ELL2: variants seen among roughly 807,000 people sequenced by gnomAD.
ELL2 encodes the protein RNA polymerase II elongation factor ELL2.
Under a neutral mutation model 72.8 loss-of-function variants are expected in ELL2, and 21 were observed. The observed-to-expected ratio is 0.29, with a 90% CI of 0.20 to 0.42. The LOEUF (loss-of-function observed/expected upper bound fraction) is 0.42, where lower values mean the gene tolerates loss of function less well. Among genes scored for constraint, ELL2 ranks in the 10% least tolerant of loss-of-function variants. The probability of loss-of-function intolerance (pLI) is 1.00; values close to 1 mark genes in which losing one functional copy is unlikely to be tolerated. For missense variants in ELL2, 568 were observed against 772.8 expected (o/e 0.73, Z 3.14); for synonymous variants, 266 against 283.2 (o/e 0.94, Z 0.61).
chr5:95,907,296 A>ATATTTTTTTTTTTTTTT, intron 4 of ELL2, among the ~76,000 whole-genome samples: 209 of 116,414 alleles, frequency 1.8e-3, no homozygotes, highest in African/African-American at 6.7e-3. Flanking sequence ...ATATATATAT[A>ATATTTTTTTTTTTTTTT]TTTTTTTTTT....
Position 95,919,439 on chromosome 5 carries a change from T to C in ELL2, c.302A>G (p.Gln101Arg). The change falls in exon 3 of 12, where the codon CAG becomes CGG. Residue 101 changes from glutamine to arginine, a missense_variant. Around this residue, in one of 2 missense-constraint regions of ELL2, gnomAD observed 511 missense variants for 728.4 expected, o/e 0.70. Coordinates refer to ENST00000237853, the MANE Select transcript of ELL2 (RefSeq NM_012081.6). ...AAGTACTTACCTGGAGAATGTTTGC[T>C]GGATGCAGTCAAAGCTGCCCTGAGG... ...DNPQGSFDCI[Q>R]QTFSSSGASQ... The C allele has an allele frequency of 6.3e-7, 1 of 1,584,830 alleles. No homozygotes were observed.
chr5:95,901,079 AC>A lies in ELL2; in HGVS notation c.742del (p.Val248Ter). On this transcript the variant is annotated frameshift_variant and splice_region_variant, in exon 6 of 12. Coordinates refer to ENST00000237853, the MANE Select transcript of ELL2 (RefSeq NM_012081.6). LOFTEE classifies it high-confidence loss of function. ...GAGGTCCTTAGAATTCAGATTGGCT[AC>A]CTAGTATGAGGTATAAAAACAGAGC... ...KNSLGAILQQ[V>X]ANLNSKDLSY... The A allele has an allele frequency of 1.3e-6, 2 of 1,599,354 alleles. No individual in the cohort carries two copies. Among genetic ancestry groups the A allele is most frequent in the Non-Finnish European group, 1.7e-6 (2 of 1,176,204 alleles).
chr5:95,908,094 G>T (rs1174734027), intron 4 of ELL2, among the ~76,000 whole-genome samples: 1 of 152,136 alleles, frequency 6.6e-6, no homozygotes, highest in African/African-American at 2.4e-5. Context: ...CACAACAAAG[G>T]AACTCAACAT....
Position 95,888,958 on chromosome 5 carries a change from G to A in ELL2, c.1836C>T (p.Tyr612=). Residue 612 remains tyrosine (Y), a synonymous_variant, in exon 12 of 12, where the codon TAC becomes TAT. Transcript: ENST00000237853. The part of the protein sequence containing the change: ...QSSPNYHEEK[Y]RCEYLHNKLA... ...GCTTGTTATGAAGATATTCACATCT[G>A]TATTTTTCTTCATGGTAATTGGGAC... 1 of 1,562,462 alleles carries A rather than the reference G, an allele frequency of 6.4e-7. No individual in the cohort carries two copies. The highest frequency in any genetic ancestry group is 8.7e-7 in the Non-Finnish European group (1 of 1,150,016).
At chr5:95,914,079 T>TTTAC in intron 3 of ELL2, 145 bp from the exon 4 acceptor site, 1 of 649,542 alleles carries the variant, frequency 1.5e-6, no homozygotes. Flanking sequence ...ATGTAAATGC[T>TTTAC]ATTTAAAATA....
At chr5:95,890,687 G>T (rs770865162) in intron 10 of ELL2, among the ~76,000 whole-genome samples, 2 of 152,110 alleles carry the variant, frequency 1.3e-5, no homozygotes, top group African/African-American at 2.4e-5. Flanking sequence ...TCCTATGTTT[G>T]TATCTTCCCT....
At chr5:95,936,569 G>A (rs1750780984) in intron 2 of ELL2, among the ~76,000 whole-genome samples, 1 of 152,124 alleles carries the variant, frequency 6.6e-6, no homozygotes, top group Non-Finnish European at 1.5e-5. Flanking sequence ...GATCGCTTGA[G>A]TCCGGGAGTT....
At chr5:95,933,118 C>CA (rs1223503695) in intron 2 of ELL2, among the ~76,000 whole-genome samples, 2 of 152,176 alleles carry the variant, frequency 1.3e-5, no homozygotes, top group Admixed American at 1.3e-4. Flanking sequence ...ATTCAAAAAA[C>CA]ATGTATCCAA....
chr5:95,901,482 G>A (rs1476619993), intron 5 of ELL2, among the ~76,000 whole-genome samples: 3 of 152,094 alleles, frequency 2.0e-5, no homozygotes, highest in East Asian at 1.9e-4. Flanking sequence ...CGATGGTAAC[G>A]AACCCTATAT....
Position 95,898,580 on chromosome 5 carries a change from G to A in ELL2, c.1185C>T (p.Asn395=). 1 of 1,614,008 alleles carries A rather than the reference G, an allele frequency of 6.2e-7. No individual in the cohort carries two copies. Among genetic ancestry groups the A allele is most frequent in the East Asian group, 2.2e-5 (1 of 44,874 alleles). The change falls in exon 8 of 12, where the codon AAC becomes AAT. Residue 395 remains asparagine (N), a synonymous_variant. Coordinates refer to ENST00000237853, the MANE Select transcript of ELL2 (RefSeq NM_012081.6). Reference sequence around the variant, plus strand: ...CTTCTGGAGTGCTAGGGGAGTTGGAGTTAGAATTTACAATCTGAGGAGGAT... The same window carrying A: ...CTTCTGGAGTGCTAGGGGAGTTGGAATTAGAATTTACAATCTGAGGAGGAT... ...ISHPPQIVNS[N]SNSPSTPEGR...
At chr5:95,922,520 C>T (rs1034007995) in intron 2 of ELL2, among the ~76,000 whole-genome samples, 3 of 152,180 alleles carry the variant, frequency 2.0e-5, no homozygotes, top group African/African-American at 4.8e-5. Context: ...GTCCACTAAA[C>T]AGAGTGTTAC....
In ELL2 at chr5:95,888,736, A is replaced by T; in HGVS notation, c.*135T>A. On this transcript the variant is annotated 3_prime_UTR_variant, in exon 12 of 12. Coordinates refer to ENST00000237853, the MANE Select transcript of ELL2 (RefSeq NM_012081.6). ...GGGAAGCAAAGTAAAATGGAAAAGAAAAAGTAACTCAAGTTTACTAATACT... is the reference window on the plus strand; with the variant it reads ...GGGAAGCAAAGTAAAATGGAAAAGATAAAGTAACTCAAGTTTACTAATACT... 1 of 598,522 alleles carries T rather than the reference A, an allele frequency of 1.7e-6. No individual in the cohort carries two copies. The highest frequency in any genetic ancestry group is 2.7e-6 in the Non-Finnish European group (1 of 374,306). The allele number at this position is 598,522 out of a possible 1,614,324, so 37.1% of individuals were successfully genotyped here.
intron 2 of ELL2, among the ~76,000 whole-genome samples, chr5:95,936,864 A>G (rs893041874): frequency 6.6e-6 from 1 of 152,222 alleles, no homozygotes; most frequent in Non-Finnish European, 1.5e-5. Flanking sequence ...CTACAAGTTC[A>G]GTTTTTGGTG....
At position 95,907,298 on chromosome 5, in the gene ELL2, T is replaced by A. The variant is rs867476828; in HGVS notation, c.482-516A>T. Among the ~76,000 whole-genome samples, 221 of 103,474 alleles carry A rather than the reference T, an allele frequency of 2.1e-3. 2 individuals are homozygous for A. Among genetic ancestry groups the A allele is most frequent in the South Asian group, 7.0e-3 (20 of 2,856 alleles). The allele number at this position is 103,474 out of a possible 152,430, so 67.9% of individuals were successfully genotyped here. ...TAGTGATATATATATATATATATAT[T>A]TTTTTTTTTTACAGGCCAAGACAAA... On this transcript the variant is annotated intron_variant, in intron 4 of 11. Transcript: ENST00000237853.
chr5:95,918,539 C>G (rs1365924508), intron 3 of ELL2, among the ~76,000 whole-genome samples: 1 of 152,186 alleles, frequency 6.6e-6, no homozygotes. Flanking sequence ...CCTCCTGTAC[C>G]TGCTGGAAAC....
chr5:95,889,782 A>G (rs970326278), intron 10 of ELL2, among the ~76,000 whole-genome samples: 1 of 151,682 alleles, frequency 6.6e-6, no homozygotes, highest in Non-Finnish European at 1.5e-5. Context: ...AGATATGTAC[A>G]TACATTTTAT....
intron 2 of ELL2, among the ~76,000 whole-genome samples, chr5:95,929,864 C>G (rs1366828636): frequency 6.6e-6 from 1 of 151,728 alleles, no homozygotes; most frequent in African/African-American, 2.4e-5. Flanking sequence ...GAGAAAGTTT[C>G]TAACCTCTCT....
chr5:95,903,366 C>G (rs1196778284), intron 5 of ELL2, among the ~76,000 whole-genome samples: 2 of 151,684 alleles, frequency 1.3e-5, no homozygotes, highest in Non-Finnish European at 2.9e-5. Context: ...TTATAGGCGC[C>G]TGTCACCATG....
chr5:95,922,639 A>C (rs1294787819), intron 2 of ELL2, among the ~76,000 whole-genome samples: 1 of 151,568 alleles, frequency 6.6e-6, no homozygotes, highest in Non-Finnish European at 1.5e-5. Context: ...TTTAAGGTAA[A>C]ATAATTATCT....
Sources: allele counts gnomAD v4.1 joint callset (sites outside exome capture counted in the v4.1 genomes callset), GRCh38; gene constraint gnomAD v4.1.1; regional missense constraint gnomAD v4.1.1; transcripts MANE v1.5; gene names NCBI Gene and HGNC (gene_info 2026-07-23, HGNC 2026-07-21).